Variants in PTPRQ observed in about 807,000 individuals in gnomAD.
PTPRQ encodes protein tyrosine phosphatase receptor type Q, also known as phosphatidylinositol phosphatase PTPRQ.
Under a neutral mutation model 246.0 loss-of-function variants are expected in PTPRQ, and 199 were observed. That is an observed-to-expected ratio of 0.81 (90% CI 0.72 to 0.91). The LOEUF (loss-of-function observed/expected upper bound fraction) is 0.91. Ranked by LOEUF, PTPRQ falls within the 40% of genes least tolerant of loss-of-function variation. The pLI, the probability that PTPRQ is intolerant of heterozygous loss-of-function variation, is 0.00. For missense variants in PTPRQ, 2,624 were observed against 2,528.4 expected (o/e 1.04, Z -0.81); for synonymous variants, 869 against 853.2 (o/e 1.02, Z -0.32).
Position 80,654,511 on chromosome 12 carries a change from T to A in PTPRQ, c.6115+1677T>A, listed in dbSNP as rs1046721115. The stretch of plus-strand genomic sequence containing the variant: ...TGTGAAAATAAATACTGTAATCTGA[T>A]TAAGGGACAGTAACTGTGGAATAAT... On this transcript the variant is annotated intron_variant, in intron 38 of 44. Coordinates refer to ENST00000644991, the MANE Select transcript of PTPRQ (RefSeq NM_001145026.2). Among the ~76,000 whole-genome samples, 3 of 152,088 alleles carry A rather than the reference T, an allele frequency of 2.0e-5. No individual in the cohort carries two copies. The East Asian group carries it at 5.8e-4, about 29-fold the overall frequency.
At chr12:80,616,936 T>C (rs1348360429) in intron 30 of PTPRQ, among the ~76,000 whole-genome samples, 4 of 151,194 alleles carry the variant, frequency 2.6e-5, no homozygotes, top group Non-Finnish European at 5.9e-5. Flanking sequence ...AATTATGCCA[T>C]CTCTCTAAAA....
intron 20 of PTPRQ, 136 bp downstream of exon 20, chr12:80,540,080 T>C: frequency 1.4e-6 from 1 of 698,084 alleles, no homozygotes; most frequent in South Asian, 3.2e-5. Flanking sequence ...GAAAATGCAA[T>C]TAATATACTT....
At chr12:80,635,484 A>G (rs1476839616) in intron 35 of PTPRQ, among the ~76,000 whole-genome samples, 1 of 152,102 alleles carries the variant, frequency 6.6e-6, no homozygotes, top group Admixed American at 6.6e-5. Context: ...CATTTTTATA[A>G]AAGCTTTTTA....
intron 25 of PTPRQ, among the ~76,000 whole-genome samples, chr12:80,551,670 C>T (rs1193435432): frequency 6.6e-6 from 1 of 152,134 alleles, no homozygotes; most frequent in Non-Finnish European, 1.5e-5. Flanking sequence ...TGCTCATTCT[C>T]ATTGTCTAGA....
At chr12:80,551,352 C>T (rs774260951) in intron 25 of PTPRQ, among the ~76,000 whole-genome samples, 1 of 152,098 alleles carries the variant, frequency 6.6e-6, no homozygotes, top group African/African-American at 2.4e-5. Context: ...CATCAGGGCT[C>T]TGCAATTTGC....
chr12:80,551,697 A>G (rs916583787), intron 25 of PTPRQ, among the ~76,000 whole-genome samples: 6 of 152,124 alleles, frequency 3.9e-5, no homozygotes, highest in African/African-American at 1.4e-4. Context: ...CCCAGAATCC[A>G]TCGCTAATTA....
chr12:80,505,283 C>T (rs980687259), intron 14 of PTPRQ, among the ~76,000 whole-genome samples: 1 of 151,776 alleles, frequency 6.6e-6, no homozygotes, highest in South Asian at 2.1e-4. Context: ...CTTTTTTTGG[C>T]CAGTCACCAC....
intron 8 of PTPRQ, among the ~76,000 whole-genome samples, chr12:80,476,252 C>G (rs1194806866): frequency 3.3e-5 from 5 of 152,100 alleles, no homozygotes; most frequent in Admixed American, 1.3e-4. Flanking sequence ...TGGAAAGTTT[C>G]TCCACCCTTG....
At chr12:80,477,083 C>T (rs181323477) in intron 8 of PTPRQ, among the ~76,000 whole-genome samples, 1 of 152,278 alleles carries the variant, frequency 6.6e-6, no homozygotes, top group East Asian at 1.9e-4. Context: ...CTCTTAGTGA[C>T]TTTACAACTA....
Position 80,588,187 on chromosome 12 carries a change from G to A in PTPRQ, c.4344G>A (p.Leu1448=), listed in dbSNP as rs746984935. The A allele has an allele frequency of 6.5e-7, 1 of 1,549,760 alleles. No homozygotes were observed. Among genetic ancestry groups the A allele is most frequent in the African/African-American group, 1.4e-5 (1 of 73,100 alleles). Residue 1448 remains leucine (L), a synonymous_variant, in exon 26 of 45, where the codon TTG becomes TTA. Coordinates refer to ENST00000644991, the MANE Select transcript of PTPRQ (RefSeq NM_001145026.2). The stretch of plus-strand genomic sequence containing the variant: ...ATGTTCAGTCAACTAGTGCAACATT[G>A]ACATGGATAAGACCTGACACTATCC... ...FSDVQSTSAT[L]TWIRPDTILG... is the part of the protein sequence containing the mutation.
rs755117716 is a variant in PTPRQ at position 80,652,841 on chromosome 12, G to T, written c.6115+7G>T. On this transcript the variant is annotated splice_region_variant and intron_variant, in intron 38 of 44. Coordinates refer to ENST00000644991, the MANE Select transcript of PTPRQ (RefSeq NM_001145026.2). ...TTCCCAAACATAAAACCATGTATGT[G>T]CATTTGTTGGTTTTGGTTTAGCTAG... The T allele has an allele frequency of 6.8e-7, 1 of 1,476,170 alleles. No individual in the cohort carries two copies. 91.4% of individuals were successfully genotyped at this position (1,476,170 alleles called of 1,614,324 possible).
At chr12:80,643,165 C>T (rs998499025) in intron 35 of PTPRQ, among the ~76,000 whole-genome samples, 2 of 151,990 alleles carry the variant, frequency 1.3e-5, no homozygotes, top group East Asian at 1.9e-4. Flanking sequence ...TGGCCAGGCG[C>T]GGTGGCTCAT....
chr12:80,534,298 G>A, intron 18 of PTPRQ, 123 bp downstream of exon 18: 1 of 1,094,214 alleles, frequency 9.1e-7, no homozygotes, highest in Non-Finnish European at 1.2e-6. Flanking sequence ...TCAGTTTGAT[G>A]AAAAATTGCA....
intron 14 of PTPRQ, among the ~76,000 whole-genome samples, chr12:80,501,302 T>A (rs189132794): frequency 1.3e-5 from 2 of 152,092 alleles, no homozygotes; most frequent in Non-Finnish European, 2.9e-5. Context: ...AGATTGCTGC[T>A]GAATATGTTG....
At chr12:80,595,253 G>T (rs1350744838) in intron 26 of PTPRQ, among the ~76,000 whole-genome samples, 1 of 151,814 alleles carries the variant, frequency 6.6e-6, no homozygotes, top group Non-Finnish European at 1.5e-5. Flanking sequence ...TCTTTAGTGG[G>T]GCTTTGAGTT....
chr12:80,568,859 TGG>T lies in PTPRQ; in HGVS notation c.4285+19126_4285+19127del, dbSNP rs1314480898. On this transcript the variant is annotated intron_variant, in intron 25 of 44. Transcript: ENST00000644991. ...ATCTGTTATTTATGTAATGATTTTA[TGG>T]ATGAAAGAGCTAGAAGCAAAGTTTT... is the stretch of plus-strand genomic sequence containing the variant. 4.6e-5 allele frequency among the ~76,000 whole-genome samples: 7 copies of T among 152,376 alleles called. No individual in the cohort carries two copies. In the East Asian group the frequency reaches 1.3e-3, roughly 29 times the overall value.
In PTPRQ at chr12:80,549,699, A is replaced by C; in HGVS notation, c.4250A>C (p.Glu1417Ala). 6.4e-7 allele frequency: 1 copy of C among 1,550,884 alleles called. No individual in the cohort carries two copies. The highest frequency in any genetic ancestry group is 8.7e-7 in the Non-Finnish European group (1 of 1,146,432). Residue 1417 changes from glutamate (E) to alanine (A), a missense_variant, in exon 25 of 45, where the codon GAA becomes GCA. By Grantham distance (107) the Glu-to-Ala change is moderately radical (BLOSUM62 -1). Transcript: ENST00000644991. The part of the protein sequence containing the change: ...RASTSAGEGD[E>A]STCHVSTLPE... Reference sequence around the variant, plus strand: ...TCAACCTCAGCTGGTGAAGGTGATGAAAGCACATGCCATGTCAGCACACTA... The same window carrying C: ...TCAACCTCAGCTGGTGAAGGTGATGCAAGCACATGCCATGTCAGCACACTA...
intron 39 of PTPRQ, among the ~76,000 whole-genome samples, chr12:80,662,610 C>A (rs1900667047): frequency 6.6e-6 from 1 of 151,944 alleles, no homozygotes; most frequent in Non-Finnish European, 1.5e-5. Flanking sequence ...ACATTGGAAG[C>A]ATTTAATAAA....
At chr12:80,524,001 G>A (rs1895599947) in intron 17 of PTPRQ, among the ~76,000 whole-genome samples, 1 of 152,110 alleles carries the variant, frequency 6.6e-6, no homozygotes, top group African/African-American at 2.4e-5. Flanking sequence ...GGGAGTCTAA[G>A]TCTCTTTCTA....
Sources: allele counts gnomAD v4.1 joint callset (sites outside exome capture counted in the v4.1 genomes callset), GRCh38; gene constraint gnomAD v4.1.1; transcripts MANE v1.5; gene names NCBI Gene and HGNC (gene_info 2026-07-23, HGNC 2026-07-21).